CNPY1: variants seen among roughly 807,000 people sequenced by gnomAD.
CNPY1 encodes the protein protein canopy homolog 1.
Under a neutral mutation model 14.4 loss-of-function variants are expected in CNPY1, and 14 were observed. The observed-to-expected ratio is 0.97, with a 90% CI of 0.64 to 1.52. The LOEUF (loss-of-function observed/expected upper bound fraction) is 1.52, where lower values mean the gene tolerates loss of function less well. Among genes scored for constraint, CNPY1 ranks in the 40% most tolerant of loss-of-function variants. The pLI is 0.00. For synonymous variants in CNPY1, 43 were observed against 46.5 expected (o/e 0.92, Z 0.31); for missense variants, 129 against 131.5 (o/e 0.98, Z 0.09).
At chr7:155,514,143 G>A (rs921935325) in intron 2 of CNPY1, among the ~76,000 whole-genome samples, 8 of 152,162 alleles carry the variant, frequency 5.3e-5, no homozygotes, top group Admixed American at 2.0e-4. Flanking sequence ...ACAATATTGC[G>A]GCATAAACGG....
rs1385077878 is a variant in CNPY1, at chr7:155,502,420, C to T, written c.*648G>A. ...ATCAACTTTCTAAGCCACTTAAACT[C>T]AGAATGGTGTTTGAGAGGCCAATAT... is the stretch of plus-strand genomic sequence containing the variant. On this transcript the variant is annotated 3_prime_UTR_variant, in exon 5 of 5. Coordinates refer to ENST00000636446, the MANE Select transcript of CNPY1 (RefSeq NM_001393663.1). 2 of 152,180 alleles carry T rather than the reference C, an allele frequency of 1.3e-5. No homozygotes were observed. The highest frequency in any genetic ancestry group is 6.5e-5 in the Admixed American group (1 of 15,284). 9.4% of individuals were successfully genotyped at this position (152,180 alleles called of 1,614,324 possible). A position where few individuals can be genotyped will look rare whatever the true frequency, so the allele number is the denominator to read the frequency against.
At chr7:155,511,108 TTCTC>T (rs970810778) in intron 2 of CNPY1, among the ~76,000 whole-genome samples, 3 of 152,178 alleles carry the variant, frequency 2.0e-5, no homozygotes, top group African/African-American at 4.8e-5. Context: ...AAGAAATTCA[TTCTC>T]TCTCTCCTTT....
chr7:155,515,274 C>G (rs1158364770), intron 2 of CNPY1, among the ~76,000 whole-genome samples: 1 of 150,050 alleles, frequency 6.7e-6, no homozygotes, highest in Non-Finnish European at 1.5e-5. Context: ...CCTCCACACC[C>G]TGGTCCTGGT....
At chr7:155,515,304 C>CGTG (rs1563089136) in intron 2 of CNPY1, among the ~76,000 whole-genome samples, 2 of 137,374 alleles carry the variant, frequency 1.5e-5, no homozygotes, top group African/African-American at 3.1e-5. Flanking sequence ...GCCCCCCCCC[C>CGTG]CCCCGGCCCC....
Position 155,502,103 on chromosome 7 carries a change from T to C in CNPY1, c.*965A>G, listed in dbSNP as rs1198055036. 6.6e-6 allele frequency: 1 copy of C among 152,158 alleles called. No individual in the cohort carries two copies. The highest frequency in any genetic ancestry group is 2.4e-5 in the African/African-American group (1 of 41,438). 9.4% of individuals were successfully genotyped at this position (152,158 alleles called of 1,614,324 possible). ...GTAGACCATACCCTGACATTTTTAA[T>C]CATTAAAGTCAGATTCCATTGAATG... On this transcript the variant is annotated 3_prime_UTR_variant, in exon 5 of 5. Coordinates refer to ENST00000636446, the MANE Select transcript of CNPY1 (RefSeq NM_001393663.1).
intron 2 of CNPY1, among the ~76,000 whole-genome samples, chr7:155,529,824 G>A (rs752171306): frequency 2.0e-5 from 3 of 149,338 alleles, no homozygotes; most frequent in African/African-American, 4.9e-5. Flanking sequence ...ACTCTGTCGC[G>A]CACGCTGGAG....
chr7:155,516,547 C>T (rs542366942), intron 2 of CNPY1, among the ~76,000 whole-genome samples: 1 of 150,524 alleles, frequency 6.6e-6, no homozygotes, highest in South Asian at 2.1e-4. Context: ...CCAGGAGACG[C>T]GGTGTCCTCA....
At chr7:155,535,053 A>G (rs10269627) in intron 2 of CNPY1, among the ~76,000 whole-genome samples, 41,928 of 152,090 alleles carry the variant, frequency 0.28, 5,854 homozygotes, top group Non-Finnish European at 0.29. Context: ...TGTGTTCAGC[A>G]GAAAAGGCAG....
At chr7:155,503,429 C>T (rs914260275) in intron 4 of CNPY1, among the ~76,000 whole-genome samples, 1 of 152,092 alleles carries the variant, frequency 6.6e-6, no homozygotes, top group Non-Finnish European at 1.5e-5. Flanking sequence ...AGATATTTCA[C>T]AGCCTGTAAT....
chr7:155,532,806 C>A (rs1287456001), intron 2 of CNPY1, among the ~76,000 whole-genome samples: 2 of 152,136 alleles, frequency 1.3e-5, no homozygotes, highest in Admixed American at 1.3e-4. Flanking sequence ...AACTGCCTCG[C>A]TCATGGAGTT....
chr7:155,538,829 ACT>A (rs773491715), intron 2 of CNPY1, among the ~76,000 whole-genome samples: 20 of 151,256 alleles, frequency 1.3e-4, no homozygotes, highest in Non-Finnish European at 2.4e-4. Flanking sequence ...CTCACCCTTC[ACT>A]CTCTGAGACG....
chr7:155,521,417 C>T (rs573435599), intron 2 of CNPY1, among the ~76,000 whole-genome samples: 25 of 152,314 alleles, frequency 1.6e-4, no homozygotes, highest in Admixed American at 9.1e-4. Context: ...TGAAGCCAAA[C>T]GCTAAGATCC....
intron 2 of CNPY1, among the ~76,000 whole-genome samples, chr7:155,538,392 G>A (rs1797046723): frequency 6.6e-6 from 1 of 152,200 alleles, no homozygotes; most frequent in African/African-American, 2.4e-5. Context: ...GGACCCTGCA[G>A]GCTGGTCTCA....
At chr7:155,527,390 T>C (rs908076358) in intron 2 of CNPY1, among the ~76,000 whole-genome samples, 1 of 151,244 alleles carries the variant, frequency 6.6e-6, no homozygotes, top group Non-Finnish European at 1.5e-5. Context: ...TCTTTTCTCT[T>C]ATCTCTTGCT....
rs10718266 is a variant in CNPY1 at position 155,519,636 on chromosome 7, C to CA, written c.100-10540dup. 1.4e-3 allele frequency among the ~76,000 whole-genome samples: 201 copies of CA among 148,530 alleles called. 3 individuals carry two copies. Among genetic ancestry groups the CA allele is most frequent in the South Asian group, 0.012 (55 of 4,654 alleles). The stretch of plus-strand genomic sequence containing the variant: ...TCCAAACCTGACCTGTTATTGGTGG[C>CA]AAAAAAAAAGACTATTAATAAGTTA... On this transcript the variant is annotated intron_variant, in intron 2 of 4. Transcript: ENST00000636446.
rs553067038 is a variant in CNPY1, at chr7:155,534,870, G to A, written c.99+10961C>T. 5.9e-5 allele frequency among the ~76,000 whole-genome samples: 9 copies of A among 152,366 alleles called. No homozygotes were observed. In the East Asian group the frequency reaches 1.7e-3, roughly 29 times the overall value. On this transcript the variant is annotated intron_variant, in intron 2 of 4. Transcript: ENST00000636446. The stretch of plus-strand genomic sequence containing the variant: ...GACCAGGCTGGGGAGTCAGAGCTCA[G>A]CCTCTGCTCGGTGTCTGTGGACAAG...
intron 2 of CNPY1, among the ~76,000 whole-genome samples, chr7:155,537,301 G>A (rs1797034826): frequency 6.6e-6 from 1 of 152,104 alleles, no homozygotes; most frequent in South Asian, 2.1e-4. Context: ...CATGCATGGA[G>A]CAAAAATAGA....
chr7:155,511,604 G>T (rs1274919485), intron 2 of CNPY1, among the ~76,000 whole-genome samples: 1 of 152,172 alleles, frequency 6.6e-6, no homozygotes, highest in Non-Finnish European at 1.5e-5. Context: ...AGGTACAAAC[G>T]TGTGAATTTC....
rs1797151234 is a variant in CNPY1, at chr7:155,545,886, T to G, written c.44A>C (p.Lys15Thr). ...GATTCGGAAGGATCCCACCTTGGTC[T>G]TCTTCTGCCGAGCCTTGGTGATGTC... is the stretch of plus-strand genomic sequence containing the variant. ...EHDITKARQK[K>T]TKVGSFRINP... The change falls in exon 2 of 5, where the codon AAG (lysine) becomes ACG (threonine). Residue 15 changes from lysine to threonine, a missense_variant. Coordinates refer to ENST00000636446, the MANE Select transcript of CNPY1 (RefSeq NM_001393663.1). The G allele has an allele frequency of 1.0e-5, 4 of 398,714 alleles. No individual in the cohort carries two copies. The highest frequency in any genetic ancestry group is 1.8e-5 in the Non-Finnish European group (4 of 226,094). 24.7% of individuals were successfully genotyped at this position (398,714 alleles called of 1,614,324 possible).
Sources: gnomAD v4.1 joint callset for allele counts (sites outside exome capture counted in the v4.1 genomes callset) on GRCh38, gnomAD v4.1.1 for gene constraint, MANE v1.5 for transcripts, NCBI Gene and HGNC (gene_info 2026-07-23, HGNC 2026-07-21) for gene names.